The following CCN5 variants were observed in gnomAD, a reference collection of about 807,000 sequenced individuals.
The protein encoded by CCN5 is cellular communication network factor 5, also known as CCN family member 5.
CCN5 carries 17 observed loss-of-function variants against 18.7 expected under a neutral mutation model. That is an observed-to-expected ratio of 0.91 (90% CI 0.62 to 1.36). The LOEUF (loss-of-function observed/expected upper bound fraction) is 1.36, where lower values mean the gene tolerates loss of function less well. Ranked by LOEUF, CCN5 falls within the 40% of genes most tolerant of loss-of-function variation. The probability of loss-of-function intolerance (pLI) is 0.00; values close to 1 mark genes in which losing one functional copy is unlikely to be tolerated. For synonymous variants in CCN5, 135 were observed against 145.2 expected, an observed-to-expected ratio of 0.93 and a Z score of 0.50; for missense variants, 367 against 342.9, an observed-to-expected ratio of 1.07 and a Z score of -0.56.
In CCN5 at chr20:44,727,191, G is replaced by GCCAC. The variant is rs2065942176; in HGVS notation, c.640_643dup (p.Arg215HisfsTer78). 6.2e-7 allele frequency: 1 copy of GCCAC among 1,613,686 alleles called. No individual in the cohort carries two copies. Among genetic ancestry groups the GCCAC allele is most frequent in the African/African-American group, 1.3e-5 (1 of 74,926 alleles). ...CTCGACCACCTGTGGGCTGGGCATGGCCACCCGGGTGTCCAACCAGAACCG... is the reference window on the plus strand; with the variant it reads ...CTCGACCACCTGTGGGCTGGGCATGGCCACCCACCCGGGTGTCCAACCAGAACCG... On this transcript the variant is annotated frameshift_variant, in exon 4 of 4. Transcript: ENST00000190983. LOFTEE classifies it low-confidence loss of function (END_TRUNC).
rs1472114945 is a variant in CCN5, at chr20:44,715,394, A to G, written c.4A>G (p.Arg2Gly). The G allele has an allele frequency of 6.2e-7, 1 of 1,602,266 alleles. No homozygotes were observed. Residue 2 changes from arginine to glycine, a missense_variant, in exon 1 of 4, where the codon AGA becomes GGA. Physicochemically the swap from Arg to Gly is moderately radical, Grantham distance 125 (BLOSUM62 -2). Transcript: ENST00000190983. M[R>G]GTPKTHLLAF... is the part of the protein sequence containing the mutation. Reference sequence around the variant, plus strand: ...CAAAGCTGGCTCTGCAGGGGACATGAGAGGCACACCGAAGACCCACCTCCT... The same window carrying G: ...CAAAGCTGGCTCTGCAGGGGACATGGGAGGCACACCGAAGACCCACCTCCT...
upstream of CCN5, chr20:44,715,272 C>T (rs1378555508): frequency 4.4e-3 from 3,184 of 720,610 alleles, 73 homozygotes; most frequent in Non-Finnish European, 5.5e-3. Context: ...AGCGCGCGCG[C>T]GCGCGCGCGT....
intron 2 of CCN5, chr20:44,724,527 G>T: frequency 1.5e-6 from 1 of 681,956 alleles, no homozygotes. Context: ...GTCAATCCAG[G>T]CCTGTCTTCT....
At chr20:44,720,269 A>C in intron 2 of CCN5, 156 bp downstream of exon 2, 1 of 739,920 alleles carries the variant, frequency 1.4e-6, no homozygotes, top group South Asian at 1.7e-5. Flanking sequence ...CCCAAAGCCC[A>C]CTCCCCACTC....
chr20:44,718,409 A>T, intron 1 of CCN5, among the ~76,000 whole-genome samples: 1 of 152,176 alleles, frequency 6.6e-6, no homozygotes, highest in East Asian at 1.9e-4. Context: ...CCATTCCTCT[A>T]GATGAAACCC....
At chr20:44,717,298 T>C (rs145860993) in intron 1 of CCN5, among the ~76,000 whole-genome samples, 1 of 152,322 alleles carries the variant, frequency 6.6e-6, no homozygotes, top group East Asian at 1.9e-4. Context: ...GAGATAATTG[T>C]ACACTAGAAT....
At chr20:44,723,208 T>G (rs906191548) in intron 2 of CCN5, among the ~76,000 whole-genome samples, 2 of 152,030 alleles carry the variant, frequency 1.3e-5, no homozygotes, top group Non-Finnish European at 2.9e-5. Flanking sequence ...GGCTGTTCCC[T>G]CTACCAGCAT....
chr20:44,727,246 T>A lies in CCN5; in HGVS notation c.692T>A (p.Leu231Gln). 1 of 1,613,732 alleles carries A rather than the reference T, an allele frequency of 6.2e-7. No homozygotes were observed. Among genetic ancestry groups the A allele is most frequent in the Non-Finnish European group, 8.5e-7 (1 of 1,179,990 alleles). Residue 231 changes from leucine to glutamine, a missense_variant, in exon 4 of 4, where the codon CTG becomes CAG. Physicochemically the swap from Leu to Gln is moderately radical, Grantham distance 113. Coordinates refer to ENST00000190983, the MANE Select transcript of CCN5 (RefSeq NM_003881.4). ...RFCRLETQRR[L>Q]CLSRPCPPSR... ...TGCCGACTGGAGACCCAGCGCCGCC[T>A]GTGCCTGTCCAGGCCCTGCCCACCC...
At position 44,719,976 on chromosome 20, in the gene CCN5, T is replaced by C; in HGVS notation, c.140T>C (p.Leu47Pro). The C allele has an allele frequency of 2.5e-6, 4 of 1,613,552 alleles. No individual in the cohort carries two copies. The highest frequency in any genetic ancestry group is 3.4e-6 in the Non-Finnish European group (4 of 1,179,930). ...TGCCCGCTGGGAGTACCCCTGGTGC[T>C]GGATGGCTGTGGCTGCTGCCGGGTA... ...PRCPLGVPLV[L>P]DGCGCCRVCA... Residue 47 changes from leucine to proline, a missense_variant, in exon 2 of 4, where the codon CTG (leucine) becomes CCG (proline). Leu to Pro is a moderately conservative substitution (Grantham distance 98). Coordinates refer to ENST00000190983, the MANE Select transcript of CCN5 (RefSeq NM_003881.4).
At chr20:44,725,874 C>T (rs1325255185) in intron 3 of CCN5, among the ~76,000 whole-genome samples, 2 of 152,118 alleles carry the variant, frequency 1.3e-5, no homozygotes, top group Non-Finnish European at 2.9e-5. Flanking sequence ...TGCTGTGTTG[C>T]TTTTTGAAAA....
chr20:44,722,928 G>C (rs6073527), intron 2 of CCN5, among the ~76,000 whole-genome samples: 87,672 of 151,804 alleles, frequency 0.58, 25,451 homozygotes, highest in Middle Eastern at 0.66. Context: ...TCCTTCTGTC[G>C]TTGCCCCTGG....
rs2065925803 is a variant in CCN5, at chr20:44,724,940, G to A, written c.480G>A (p.Glu160=). 1.3e-6 allele frequency: 2 copies of A among 1,597,818 alleles called. No homozygotes were observed. Among genetic ancestry groups the A allele is most frequent in the Non-Finnish European group, 8.5e-7 (1 of 1,173,830 alleles). The change falls in exon 3 of 4, where the codon GAG becomes GAA. Residue 160 remains glutamate (E), a synonymous_variant. Transcript: ENST00000190983. ...RVEVLGKCCP[E]WVCGQGGGLG... ...AGGTCCTGGGCAAGTGCTGCCCTGA[G>A]TGGGTGTGCGGCCAAGGAGGGGGAC...
upstream of CCN5, chr20:44,715,272 CGCGCGCGCGTGT>C: frequency 1.4e-6 from 1 of 722,186 alleles, no homozygotes; most frequent in East Asian, 2.8e-5. Flanking sequence ...AGCGCGCGCG[CGCGCGCGCGTGT>C]GTACTCGTGC....
intron 1 of CCN5, 104 bp downstream of exon 1, chr20:44,715,554 G>C: frequency 7.7e-7 from 1 of 1,293,492 alleles, no homozygotes; most frequent in Non-Finnish European, 1.1e-6. Flanking sequence ...ATTCCTCCAG[G>C]GCCCCACATT....
intron 1 of CCN5, among the ~76,000 whole-genome samples, chr20:44,719,463 T>G (rs1057014164): frequency 3.9e-5 from 6 of 152,156 alleles, no homozygotes; most frequent in Non-Finnish European, 8.8e-5. Context: ...AAGACCAGCC[T>G]GGGTAACATG....
At chr20:44,715,221 T>A, upstream of CCN5, 1 of 593,180 alleles carries the variant, frequency 1.7e-6, no homozygotes, top group Admixed American at 2.9e-5. Flanking sequence ...ATGAAAAAGC[T>A]AGTGTGTTTG....
chr20:44,724,971 A>C lies in CCN5; in HGVS notation c.511A>C (p.Thr171Pro), dbSNP rs866566318. Residue 171 changes from threonine (T) to proline (P), a missense_variant, in exon 3 of 4, where the codon ACC (threonine) becomes CCC (proline). By Grantham distance (38) the Thr-to-Pro change is conservative. Coordinates refer to ENST00000190983, the MANE Select transcript of CCN5 (RefSeq NM_003881.4). ...WVCGQGGGLG[T>P]QPLPAQGPQF... ...GTGCGGCCAAGGAGGGGGACTGGGGACCCAGCCCCTTCCAGCCCAAGGTGA... is the reference window on the plus strand; with the variant it reads ...GTGCGGCCAAGGAGGGGGACTGGGGCCCCAGCCCCTTCCAGCCCAAGGTGA... 3 of 1,589,294 alleles carry C rather than the reference A, an allele frequency of 1.9e-6. No individual in the cohort carries two copies. Among genetic ancestry groups the C allele is most frequent in the African/African-American group, 2.7e-5 (2 of 74,452 alleles).
At chr20:44,721,977 A>G (rs1306490741) in intron 2 of CCN5, among the ~76,000 whole-genome samples, 1 of 152,242 alleles carries the variant, frequency 6.6e-6, no homozygotes, top group Non-Finnish European at 1.5e-5. Context: ...ATTAGTACAT[A>G]GGCTGTGATT....
Position 44,719,922 on chromosome 20 carries a change from C to T in CCN5, c.86C>T (p.Pro29Leu). ...GTGCGTACCCAGCTGTGCCCGACAC[C>T]ATGTACCTGCCCCTGGCCACCTCCC... Reference protein sequence around the residue: ...SKVRTQLCPTPCTCPWPPPRC... With the variant: ...SKVRTQLCPTLCTCPWPPPRC... The change falls in exon 2 of 4, where the codon CCA becomes CTA. Residue 29 changes from proline to leucine, a missense_variant. By Grantham distance (98) the Pro-to-Leu change is moderately conservative (BLOSUM62 -3). Transcript: ENST00000190983. The T allele has an allele frequency of 6.2e-7, 1 of 1,613,840 alleles. No individual in the cohort carries two copies. The highest frequency in any genetic ancestry group is 8.5e-7 in the Non-Finnish European group (1 of 1,179,954).
Sources: gnomAD v4.1 joint callset for allele counts (sites outside exome capture counted in the v4.1 genomes callset) on GRCh38, gnomAD v4.1.1 for gene constraint, MANE v1.5 for transcripts, NCBI Gene and HGNC (gene_info 2026-07-23, HGNC 2026-07-21) for gene names.